CPPED1: variants seen among roughly 807,000 people sequenced by gnomAD.
CPPED1 encodes the protein serine/threonine-protein phosphatase CPPED1.
CPPED1 carries 28 observed loss-of-function variants against 28.0 expected under a neutral mutation model. The ratio of observed to expected loss-of-function variants is 1.00; its 90% CI spans 0.74 to 1.37. The LOEUF is 1.37. CPPED1 is among the 40% of genes most tolerant of loss of function. CPPED1 has a pLI of 0.00. For missense variants in CPPED1, 504 were observed against 416.5 expected, an observed-to-expected ratio of 1.21 and a Z score of -1.83; for synonymous variants, 198 against 180.2, an observed-to-expected ratio of 1.10 and a Z score of -0.79.
chr16:12,731,155 A>AAT (rs939127509), intron 2 of CPPED1, among the ~76,000 whole-genome samples: 2 of 136,992 alleles, frequency 1.5e-5, no homozygotes, highest in African/African-American at 5.4e-5. Flanking sequence ...AAAAAAAAAA[A>AAT]TTTTTTTTTT....
Position 12,711,708 on chromosome 16 carries a change from A to C in CPPED1, c.290-6659T>G, listed in dbSNP as rs116348793. ...GGTTGGCTTTTCAAGGGGATCCATA[A>C]GTGGGCTCCAGATTCAGAGGACCTG... On this transcript the variant is annotated intron_variant, in intron 2 of 3. Transcript: ENST00000381774. Among the ~76,000 whole-genome samples, 1,307 of 152,210 alleles carry C rather than the reference A, an allele frequency of 8.6e-3. 22 individuals are homozygous for C. The highest frequency in any genetic ancestry group is 0.029 in the African/African-American group (1,220 of 41,524).
chr16:12,742,014 C>T (rs1349860795), intron 2 of CPPED1, among the ~76,000 whole-genome samples: 3 of 151,854 alleles, frequency 2.0e-5, no homozygotes, highest in Non-Finnish European at 4.4e-5. Context: ...CACAGTGAGT[C>T]GAGATCAGAC....
At chr16:12,727,665 C>T (rs1446125387) in intron 2 of CPPED1, among the ~76,000 whole-genome samples, 2 of 152,112 alleles carry the variant, frequency 1.3e-5, no homozygotes, top group African/African-American at 4.8e-5. Flanking sequence ...CATCTGAATT[C>T]AAACATTTTA....
chr16:12,737,354 C>G (rs889591644), intron 2 of CPPED1, among the ~76,000 whole-genome samples: 1 of 152,034 alleles, frequency 6.6e-6, no homozygotes, highest in Non-Finnish European at 1.5e-5. Context: ...GCAGAGGGAA[C>G]AGTGTGTAGG....
In CPPED1 at chr16:12,727,516, C is replaced by G. The variant is rs574490278; in HGVS notation, c.290-22467G>C. 3.0e-4 allele frequency among the ~76,000 whole-genome samples: 45 copies of G among 152,212 alleles called. No individual in the cohort carries two copies. In the South Asian group the frequency reaches 8.5e-3, roughly 29 times the overall value. On this transcript the variant is annotated intron_variant, in intron 2 of 3. Coordinates refer to ENST00000381774, the MANE Select transcript of CPPED1 (RefSeq NM_018340.3). ...CACAGGCGTATACCACCACATCTGG[C>G]TAATTGTTAAAAGTTTTGTAGAGAT...
chr16:12,700,529 T>C (rs919168991), intron 3 of CPPED1, among the ~76,000 whole-genome samples: 2 of 152,198 alleles, frequency 1.3e-5, no homozygotes, highest in Non-Finnish European at 2.9e-5. Context: ...TAGCTGGGAT[T>C]ACAGGTGGGC....
chr16:12,747,382 T>A (rs2080296574), intron 2 of CPPED1, among the ~76,000 whole-genome samples: 1 of 151,812 alleles, frequency 6.6e-6, no homozygotes, highest in African/African-American at 2.4e-5. Flanking sequence ...CAGGGAGCCA[T>A]GATTGCACCA....
chr16:12,748,333 CT>C (rs1339799192), intron 2 of CPPED1, among the ~76,000 whole-genome samples: 1 of 152,052 alleles, frequency 6.6e-6, no homozygotes, highest in East Asian at 1.9e-4. Flanking sequence ...ATACAGAAGG[CT>C]TTCTAACATA....
At chr16:12,797,383 T>C (rs1596489498) in intron 1 of CPPED1, among the ~76,000 whole-genome samples, 1 of 152,110 alleles carries the variant, frequency 6.6e-6, no homozygotes, top group South Asian at 2.1e-4. Flanking sequence ...AAACTGTCTC[T>C]ACAAAAAATA....
intron 2 of CPPED1, among the ~76,000 whole-genome samples, chr16:12,705,533 G>C (rs1441015868): frequency 6.6e-6 from 1 of 152,170 alleles, no homozygotes; most frequent in Non-Finnish European, 1.5e-5. Context: ...CGAGGCACGT[G>C]GATCACCTGA....
chr16:12,770,305 T>G (rs1038984482), intron 2 of CPPED1, among the ~76,000 whole-genome samples: 3 of 152,160 alleles, frequency 2.0e-5, no homozygotes, highest in African/African-American at 4.8e-5. Flanking sequence ...CTTACCTGAC[T>G]GTACAACAGC....
In CPPED1 at chr16:12,663,754, T is replaced by G. The variant is rs1485710876; in HGVS notation, c.*1132A>C. On this transcript the variant is annotated 3_prime_UTR_variant, in exon 4 of 4. Coordinates refer to ENST00000381774, the MANE Select transcript of CPPED1 (RefSeq NM_018340.3). ...GTGCTGTTTCATAATGCTGTATATT[T>G]TTCCTGCCAGGATTTGGAGTACCTA... 4 of 152,224 alleles carry G rather than the reference T, an allele frequency of 2.6e-5. No homozygotes were observed. Among genetic ancestry groups the G allele is most frequent in the Non-Finnish European group, 4.4e-5 (3 of 68,046 alleles). 9.4% of individuals were successfully genotyped at this position (152,224 alleles called of 1,614,324 possible).
At chr16:12,693,346 A>G (rs1402752464) in intron 3 of CPPED1, among the ~76,000 whole-genome samples, 1 of 152,096 alleles carries the variant, frequency 6.6e-6, no homozygotes, top group Non-Finnish European at 1.5e-5. Flanking sequence ...GGCGTGCACC[A>G]CAATGCCTGG....
intron 2 of CPPED1, among the ~76,000 whole-genome samples, chr16:12,720,994 G>T (rs1360023016): frequency 6.6e-6 from 1 of 152,178 alleles, no homozygotes; most frequent in Non-Finnish European, 1.5e-5. Context: ...AGAAGCCACT[G>T]GTAAAGCCCT....
intron 2 of CPPED1, among the ~76,000 whole-genome samples, chr16:12,764,745 C>T (rs919129221): frequency 6.6e-6 from 1 of 152,212 alleles, no homozygotes; most frequent in African/African-American, 2.4e-5. Flanking sequence ...TCTTGGGTAT[C>T]ACAGGCTCAG....
chr16:12,705,142 A>G, intron 2 of CPPED1, 93 bp from the exon 3 acceptor site: 2 of 1,338,166 alleles, frequency 1.5e-6, no homozygotes, highest in Non-Finnish European at 2.0e-6. Flanking sequence ...ATTTAAAAAA[A>G]GAGTAATCTG....
chr16:12,802,909 G>C (rs2080669264), intron 1 of CPPED1, among the ~76,000 whole-genome samples: 1 of 152,204 alleles, frequency 6.6e-6, no homozygotes, highest in Admixed American at 6.5e-5. Context: ...AGGGCATTTA[G>C]GGTGACTTCC....
intron 3 of CPPED1, among the ~76,000 whole-genome samples, chr16:12,681,016 T>C (rs763388035): frequency 1.3e-5 from 2 of 152,160 alleles, no homozygotes; most frequent in Non-Finnish European, 2.9e-5. Context: ...AATGTTTTGC[T>C]TGGGTAGGAA....
intron 1 of CPPED1, among the ~76,000 whole-genome samples, chr16:12,791,879 A>C (rs2080598715): frequency 6.6e-6 from 1 of 152,142 alleles, no homozygotes; most frequent in Admixed American, 6.5e-5. Context: ...AAATGGATGA[A>C]GACATCAATG....
Sources: allele counts gnomAD v4.1 joint callset (sites outside exome capture counted in the v4.1 genomes callset), GRCh38; gene constraint gnomAD v4.1.1; transcripts MANE v1.5; gene names NCBI Gene and HGNC (gene_info 2026-07-23, HGNC 2026-07-21).